Variants in RNF170 observed in about 807,000 individuals in gnomAD.
RNF170 encodes the protein E3 ubiquitin-protein ligase RNF170.
Under a neutral mutation model 32.7 loss-of-function variants are expected in RNF170, and 12 were observed. The ratio of observed to expected loss-of-function variants is 0.37; its 90% CI spans 0.24 to 0.60. The LOEUF (loss-of-function observed/expected upper bound fraction) is 0.60. RNF170 is among the 20% of genes least tolerant of loss of function. The probability of loss-of-function intolerance (pLI) is 0.72; values close to 1 mark genes in which losing one functional copy is unlikely to be tolerated. For synonymous variants in RNF170, 91 were observed against 103.6 expected, an observed-to-expected ratio of 0.88 and a Z score of 0.74; for missense variants, 212 against 311.2, an observed-to-expected ratio of 0.68 and a Z score of 2.40.
At chr8:42,896,996 G>C, upstream of RNF170, 1 of 538,634 alleles carries the variant, frequency 1.9e-6, no homozygotes. Context: ...TGCCAGCGCT[G>C]GGCGAGAGTC....
chr8:42,850,146 G>C (rs555789072), downstream of RNF170: 21 of 156,230 alleles, frequency 1.3e-4, no homozygotes, highest in African/African-American at 4.6e-4. Context: ...TCTTCAGCCT[G>C]CTCAAAGGAC....
rs544296907 is a variant in RNF170 at position 42,855,571 on chromosome 8, T to C, written c.*588A>G. 1.6e-6 allele frequency: 2 copies of C among 1,277,112 alleles called. No homozygotes were observed. Among genetic ancestry groups the C allele is most frequent in the South Asian group, 1.2e-5 (1 of 80,622 alleles). The allele number at this position is 1,277,112 out of a possible 1,614,324, so 79.1% of individuals were successfully genotyped here. A position where few individuals can be genotyped will look rare whatever the true frequency, so the allele number is the denominator to read the frequency against. Reference sequence around the variant, plus strand: ...GTGTTCTGTAAACTAGAATATGATATCGAAGTATGAAGTTCAAGTTTCTTC... The same window carrying C: ...GTGTTCTGTAAACTAGAATATGATACCGAAGTATGAAGTTCAAGTTTCTTC... On this transcript the variant is annotated 3_prime_UTR_variant, in exon 7 of 7. Coordinates refer to ENST00000527424, the MANE Select transcript of RNF170 (RefSeq NM_030954.4).
intron 1 of RNF170, chr8:42,896,273 C>G (rs1460443071): frequency 8.7e-6 from 3 of 344,986 alleles, no homozygotes; most frequent in African/African-American, 6.9e-5. Context: ...CTCTCCGCGT[C>G]GGCCCCTCCA....
At chr8:42,896,934 G>A (rs1034492340), upstream of RNF170, 1 of 388,094 alleles carries the variant, frequency 2.6e-6, no homozygotes, top group Non-Finnish European at 4.5e-6. Context: ...CTGGCGCGCG[G>A]TCCCGAGTGA....
intron 1 of RNF170, chr8:42,896,202 C>A (rs970158651): frequency 3.4e-6 from 1 of 291,442 alleles, no homozygotes; most frequent in Non-Finnish European, 6.8e-6. Context: ...CAGGGTCACG[C>A]TCCGAGCGAC....
Position 42,873,998 on chromosome 8 carries a change from T to G in RNF170, c.146A>C (p.His49Pro). 6.3e-7 allele frequency: 1 copy of G among 1,579,962 alleles called. No individual in the cohort carries two copies. Among genetic ancestry groups the G allele is most frequent in the South Asian group, 1.1e-5 (1 of 90,322 alleles). Residue 49 changes from histidine (H) to proline (P), a missense_variant, in exon 3 of 7, where the codon CAT becomes CCT. Transcript: ENST00000527424. The part of the protein sequence containing the change: ...TLVYALFRNV[H>P]QNIHPENQEL... ...CTGGTTTTCTGGGTGAATGTTTTGA[T>G]GTACATTTCTGTTGAATAGAATATA...
chr8:42,882,826 A>G (rs1805522260), intron 2 of RNF170, among the ~76,000 whole-genome samples: 1 of 151,964 alleles, frequency 6.6e-6, no homozygotes, highest in Non-Finnish European at 1.5e-5. Flanking sequence ...ATTTGGGAGG[A>G]TGAGGTGGGT....
chr8:42,889,501 GAA>G (rs1428756639), intron 1 of RNF170: 1 of 152,060 alleles, frequency 6.6e-6, no homozygotes, highest in Non-Finnish European at 1.5e-5. Flanking sequence ...TTATTGAGCT[GAA>G]AAAAGTTTTA....
In RNF170 at chr8:42,853,524, T is replaced by G. The variant is rs1336815634; in HGVS notation, c.*2635A>C. On this transcript the variant is annotated 3_prime_UTR_variant, in exon 7 of 7. Transcript: ENST00000527424. ...TAGTGGGCAGTTAGAACAGTTGTTTTCCCCGTCTTGTTCCCCACAGAGCTG... is the reference window on the plus strand; with the variant it reads ...TAGTGGGCAGTTAGAACAGTTGTTTGCCCCGTCTTGTTCCCCACAGAGCTG... 1 of 1,287,154 alleles carries G rather than the reference T, an allele frequency of 7.8e-7. No individual in the cohort carries two copies. The highest frequency in any genetic ancestry group is 2.3e-5 in the Admixed American group (1 of 43,536). The allele number at this position is 1,287,154 out of a possible 1,614,324, so 79.7% of individuals were successfully genotyped here.
In RNF170 at chr8:42,855,797, T is replaced by C; in HGVS notation, c.*362A>G. 1 of 1,245,230 alleles carries C rather than the reference T, an allele frequency of 8.0e-7. No individual in the cohort carries two copies. The highest frequency in any genetic ancestry group is 1.3e-5 in the South Asian group (1 of 77,336). 77.1% of individuals were successfully genotyped at this position (1,245,230 alleles called of 1,614,324 possible). A position where few individuals can be genotyped will look rare whatever the true frequency, so the allele number is the denominator to read the frequency against. On this transcript the variant is annotated 3_prime_UTR_variant, in exon 7 of 7. Transcript: ENST00000527424. ...TAGGTACCTGCTGAGAAGGATAAGA[T>C]GGATAAACTGACATTTAACAATATT... is the stretch of plus-strand genomic sequence containing the variant.
intron 2 of RNF170, among the ~76,000 whole-genome samples, chr8:42,875,449 A>G (rs1804851428): frequency 6.6e-6 from 1 of 152,338 alleles, no homozygotes; most frequent in Middle Eastern, 3.4e-3. Flanking sequence ...TTCAATTGTT[A>G]GCAAAAAAAC....
chr8:42,855,834 CTAAT>C lies in RNF170; in HGVS notation c.*321_*324del, dbSNP rs1803209186. On this transcript the variant is annotated 3_prime_UTR_variant, in exon 7 of 7. Transcript: ENST00000527424. ...CATTTAACAATATTTTACTATACATCTAATTAATCTAAGTAATTCTGGGGAAAAG... is the reference window on the plus strand; with the variant it reads ...CATTTAACAATATTTTACTATACATCTAATCTAAGTAATTCTGGGGAAAAG... 12 of 1,205,252 alleles carry C rather than the reference CTAAT, an allele frequency of 1.0e-5. No individual in the cohort carries two copies. Among genetic ancestry groups the C allele is most frequent in the Non-Finnish European group, 1.3e-5 (12 of 925,980 alleles). 74.7% of individuals were successfully genotyped at this position (1,205,252 alleles called of 1,614,324 possible).
At chr8:42,880,377 T>C (rs1470747696) in intron 2 of RNF170, among the ~76,000 whole-genome samples, 2 of 152,174 alleles carry the variant, frequency 1.3e-5, no homozygotes, top group Non-Finnish European at 2.9e-5. Flanking sequence ...AGAAAGCCTG[T>C]GGATAATAAG....
At position 42,887,773 on chromosome 8, in the gene RNF170, AC is replaced by A; in HGVS notation, c.91del (p.Val31TrpfsTer6). ...GGTAGCAATCAAAGCGAAACTGACC[AC>A]AACTGCCACAAGTACTTGGTCGCTT... Reference protein sequence around the residue: ...GVSDQVLVAVVVSFALIATLV... With the variant: ...GVSDQVLVAVXVSFALIATLV... On this transcript the variant is annotated frameshift_variant, in exon 2 of 7. Transcript: ENST00000527424. LOFTEE classifies it high-confidence loss of function. The A allele has an allele frequency of 6.2e-7, 1 of 1,614,048 alleles. No individual in the cohort carries two copies.
At chr8:42,857,656 C>T (rs1404639181) in intron 6 of RNF170, among the ~76,000 whole-genome samples, 1 of 152,144 alleles carries the variant, frequency 6.6e-6, no homozygotes, top group Non-Finnish European at 1.5e-5. Context: ...TCATCACATA[C>T]CAGGCTTTCT....
At chr8:42,882,791 G>A (rs1805519335) in intron 2 of RNF170, among the ~76,000 whole-genome samples, 1 of 152,170 alleles carries the variant, frequency 6.6e-6, no homozygotes, top group East Asian at 1.9e-4. Flanking sequence ...GCCGGGCACA[G>A]TGGCTCACAC....
At chr8:42,894,585 A>C (rs890486133) in intron 1 of RNF170, among the ~76,000 whole-genome samples, 1 of 152,002 alleles carries the variant, frequency 6.6e-6, no homozygotes, top group African/African-American at 2.4e-5. Context: ...TTTTCTTTTG[A>C]GACAGATTCT....
At chr8:42,860,455 C>A (rs1055526354) in intron 6 of RNF170, among the ~76,000 whole-genome samples, 3 of 152,210 alleles carry the variant, frequency 2.0e-5, no homozygotes, top group African/African-American at 7.2e-5. Context: ...GGGAGTCTCA[C>A]TCTGTTGCCC....
At chr8:42,879,576 G>A (rs568916894) in intron 2 of RNF170, among the ~76,000 whole-genome samples, 8 of 152,230 alleles carry the variant, frequency 5.3e-5, no homozygotes, top group African/African-American at 9.6e-5. Flanking sequence ...GCATGAACCC[G>A]GGGGGCGGTG....
Sources: gnomAD v4.1 joint callset for allele counts (sites outside exome capture counted in the v4.1 genomes callset) on GRCh38, gnomAD v4.1.1 for gene constraint, MANE v1.5 for transcripts, NCBI Gene and HGNC (gene_info 2026-07-23, HGNC 2026-07-21) for gene names.